The following CADM2 variants were observed in gnomAD, a reference collection of about 807,000 sequenced individuals.
The protein encoded by CADM2 is immunoglobulin superfamily member 4D.
Under a neutral mutation model 49.8 loss-of-function variants are expected in CADM2, and 12 were observed. The ratio of observed to expected loss-of-function variants is 0.24; its 90% CI spans 0.15 to 0.39. The LOEUF is 0.39. CADM2 is among the 10% of genes least tolerant of loss of function. The pLI is 1.00. For missense variants in CADM2, 378 were observed against 492.3 expected (o/e 0.77, Z 2.20); for synonymous variants, 214 against 175.4 (o/e 1.22, Z -1.74).
chr3:85,231,435 GAA>G (rs71617937), intron 1 of CADM2, among the ~76,000 whole-genome samples: 14,447 of 149,004 alleles, frequency 0.097, 858 homozygotes, highest in African/African-American at 0.17. Flanking sequence ...GAACAAATAA[GAA>G]AAAAAAACAG....
intron 2 of CADM2, among the ~76,000 whole-genome samples, chr3:85,746,909 C>A (rs1180721087): frequency 6.6e-6 from 1 of 152,182 alleles, no homozygotes; most frequent in Non-Finnish European, 1.5e-5. Context: ...AGGGCTGAGG[C>A]TTTTAAAATC....
At chr3:85,191,948 TG>T (rs1371127216) in intron 1 of CADM2, among the ~76,000 whole-genome samples, 19 of 81,670 alleles carry the variant, frequency 2.3e-4, no homozygotes, top group Middle Eastern at 5.7e-3. Flanking sequence ...GAAACAGTTG[TG>T]TGTGTGTGTG....
rs550344129 is a variant in CADM2, at chr3:85,337,049, A to G, written c.61+377381A>G. On this transcript the variant is annotated intron_variant, in intron 1 of 9. Coordinates refer to ENST00000383699, the MANE Select transcript of CADM2 (RefSeq NM_001167675.2). Reference sequence around the variant, plus strand: ...AATATAAATATATATATATAAATATATATATATATTTCATTATCAAAGTTG... The same window carrying G: ...AATATAAATATATATATATAAATATGTATATATATTTCATTATCAAAGTTG... 3.3e-3 allele frequency among the ~76,000 whole-genome samples: 477 copies of G among 142,748 alleles called. 1 individual carries two copies. Among genetic ancestry groups the G allele is most frequent in the Middle Eastern group, 0.018 (5 of 276 alleles). 93.6% of individuals were successfully genotyped at this position (142,748 alleles called of 152,430 possible).
At chr3:85,662,099 A>G (rs2065426326) in intron 1 of CADM2, among the ~76,000 whole-genome samples, 1 of 152,028 alleles carries the variant, frequency 6.6e-6, no homozygotes, top group South Asian at 2.1e-4. Flanking sequence ...CATCAGTTAA[A>G]TCTCTCAAAA....
chr3:85,791,700 G>A (rs2071347242), intron 2 of CADM2, among the ~76,000 whole-genome samples: 1 of 151,964 alleles, frequency 6.6e-6, no homozygotes, highest in African/African-American at 2.4e-5. Flanking sequence ...ATCATTCCTT[G>A]TTGAGTTTTT....
chr3:85,051,317 T>A (rs753032994), intron 1 of CADM2, among the ~76,000 whole-genome samples: 54 of 152,218 alleles, frequency 3.5e-4, no homozygotes, highest in Admixed American at 2.5e-3. Flanking sequence ...AGAACAGAGA[T>A]CTTCACCATA....
chr3:85,534,494 G>T (rs554707636), intron 1 of CADM2, among the ~76,000 whole-genome samples: 1 of 152,236 alleles, frequency 6.6e-6, no homozygotes, highest in South Asian at 2.1e-4. Context: ...GCCAAATCTA[G>T]CCCACTGCCT....
chr3:85,040,565 GC>G (rs2035395383), intron 1 of CADM2, among the ~76,000 whole-genome samples: 1 of 150,486 alleles, frequency 6.6e-6, no homozygotes, highest in Non-Finnish European at 1.5e-5. Flanking sequence ...GGAGAATTAA[GC>G]CATCTCAAAC....
intron 1 of CADM2, among the ~76,000 whole-genome samples, chr3:85,174,841 A>G (rs1405955829): frequency 7.2e-5 from 11 of 152,162 alleles, no homozygotes. Flanking sequence ...ACAACAGTAC[A>G]TCATTTGTGT....
intron 8 of CADM2, chr3:85,993,181 A>G (rs149813243): frequency 6.6e-6 from 1 of 152,314 alleles, no homozygotes; most frequent in Non-Finnish European, 1.5e-5. Context: ...TCTGCAAAAA[A>G]TTCAAAACAA....
chr3:85,494,210 C>T (rs954377163), intron 1 of CADM2, among the ~76,000 whole-genome samples: 14 of 151,970 alleles, frequency 9.2e-5, no homozygotes, highest in East Asian at 3.9e-4. Context: ...CTTTCTTTTA[C>T]GTTTAAGTAA....
At chr3:85,515,279 C>A (rs1242142034) in intron 1 of CADM2, among the ~76,000 whole-genome samples, 1 of 151,996 alleles carries the variant, frequency 6.6e-6, no homozygotes, top group Non-Finnish European at 1.5e-5. Flanking sequence ...GTAACATCAC[C>A]TTTTAGATTA....
intron 1 of CADM2, among the ~76,000 whole-genome samples, chr3:85,032,781 C>T (rs1359450305): frequency 6.6e-6 from 1 of 152,050 alleles, no homozygotes; most frequent in African/African-American, 2.4e-5. Context: ...AGCATTCCTG[C>T]ATGACTTACC....
At chr3:85,220,769 A>G (rs1033440841) in intron 1 of CADM2, among the ~76,000 whole-genome samples, 2 of 152,000 alleles carry the variant, frequency 1.3e-5, no homozygotes, top group Non-Finnish European at 2.9e-5. Flanking sequence ...GATCAGGGTT[A>G]CTGAGAAGTT....
At chr3:85,373,632 G>C (rs1026761897) in intron 1 of CADM2, among the ~76,000 whole-genome samples, 2 of 152,178 alleles carry the variant, frequency 1.3e-5, no homozygotes, top group Non-Finnish European at 2.9e-5. Flanking sequence ...TTCTCCATGA[G>C]GGTTCCACCC....
intron 8 of CADM2, among the ~76,000 whole-genome samples, chr3:86,015,428 C>A (rs1732096678): frequency 6.6e-6 from 1 of 152,132 alleles, no homozygotes; most frequent in Admixed American, 6.5e-5. Flanking sequence ...TGGATCTCTA[C>A]TTGTTGGGTG....
chr3:85,719,702 C>A (rs1285915669), intron 1 of CADM2, among the ~76,000 whole-genome samples: 2 of 151,358 alleles, frequency 1.3e-5, no homozygotes, highest in Non-Finnish European at 2.9e-5. Flanking sequence ...ATGGCAGAGG[C>A]AGGAGAAAAT....
At chr3:85,371,888 C>T (rs2033266305) in intron 1 of CADM2, among the ~76,000 whole-genome samples, 1 of 151,232 alleles carries the variant, frequency 6.6e-6, no homozygotes, top group African/African-American at 2.4e-5. Flanking sequence ...ACCCATCCCT[C>T]CTGTATACTG....
chr3:85,387,709 T>C (rs1035145979), intron 1 of CADM2, among the ~76,000 whole-genome samples: 3 of 152,186 alleles, frequency 2.0e-5, no homozygotes, highest in South Asian at 2.1e-4. Flanking sequence ...TTTTGAAATA[T>C]ATGTAGTATT....
Sources: gnomAD v4.1 joint callset for allele counts (sites outside exome capture counted in the v4.1 genomes callset) on GRCh38, gnomAD v4.1.1 for gene constraint, MANE v1.5 for transcripts, NCBI Gene and HGNC (gene_info 2026-07-23, HGNC 2026-07-21) for gene names.